PRKAG2: variants seen among roughly 807,000 people sequenced by gnomAD.
PRKAG2 encodes 5'-AMP-activated protein kinase subunit gamma-2.
PRKAG2 carries 26 observed loss-of-function variants against 69.6 expected under a neutral mutation model. The ratio of observed to expected loss-of-function variants is 0.37; its 90% confidence interval spans 0.27 to 0.52. The LOEUF (loss-of-function observed/expected upper bound fraction) is 0.52. PRKAG2 is among the 20% of genes least tolerant of loss of function. The pLI, the probability that PRKAG2 is intolerant of heterozygous loss-of-function variation, is 0.90. For synonymous variants in PRKAG2, 293 were observed against 285.0 expected, an observed-to-expected ratio of 1.03 and a Z score of -0.28; for missense variants, 557 against 740.0, an observed-to-expected ratio of 0.75 and a Z score of 2.87.
intron 1 of PRKAG2, among the ~76,000 whole-genome samples, chr7:151,872,894 G>T (rs1461138542): frequency 1.3e-5 from 2 of 152,218 alleles, no homozygotes; most frequent in Non-Finnish European, 2.9e-5. Context: ...TTCAGGAGGG[G>T]GTCCTCACGC....
At chr7:151,721,208 G>A (rs1797036856) in intron 3 of PRKAG2, among the ~76,000 whole-genome samples, 1 of 151,978 alleles carries the variant, frequency 6.6e-6, no homozygotes, top group Non-Finnish European at 1.5e-5. Flanking sequence ...GCTTTTCTGG[G>A]GTCCCATCCC....
chr7:151,706,984 C>A (rs1838739244), intron 3 of PRKAG2, among the ~76,000 whole-genome samples: 1 of 152,210 alleles, frequency 6.6e-6, no homozygotes, highest in Non-Finnish European at 1.5e-5. Flanking sequence ...ATGTTCGGAC[C>A]TGCCTGCAGT....
At chr7:151,596,353 G>A (rs6956446) in intron 5 of PRKAG2, among the ~76,000 whole-genome samples, 5,394 of 152,146 alleles carry the variant, frequency 0.035, 318 homozygotes, top group African/African-American at 0.12. Flanking sequence ...AATAATAAAA[G>A]AATCCCATTT....
At chr7:151,683,017 C>T (rs921188902) in intron 3 of PRKAG2, among the ~76,000 whole-genome samples, 84 of 152,362 alleles carry the variant, frequency 5.5e-4, no homozygotes, top group African/African-American at 2.0e-3. Flanking sequence ...GAAGACATCT[C>T]CTCCTTTTTC....
At chr7:151,702,123 G>A (rs574195547) in intron 3 of PRKAG2, among the ~76,000 whole-genome samples, 1 of 152,368 alleles carries the variant, frequency 6.6e-6, no homozygotes, top group South Asian at 2.1e-4. Flanking sequence ...TACCAAGATG[G>A]ACAGCATGGA....
rs1586654117 is a variant in PRKAG2, at chr7:151,814,369, C to T, written c.115-27828G>A. On this transcript the variant is annotated intron_variant, in intron 1 of 15. Coordinates refer to ENST00000287878, the MANE Select transcript of PRKAG2 (RefSeq NM_016203.4). The surrounding 1 kb of genome is among the most constrained non-coding windows in gnomAD (Gnocchi z 4.8). ...GGGGAAAACCGCACACCCAGGGACG[C>T]ACAATCACTATGCATTTAGAAAGCC... 1.7e-6 allele frequency: 2 copies of T among 1,186,990 alleles called. No individual in the cohort carries two copies. Among genetic ancestry groups the T allele is most frequent in the East Asian group, 6.7e-5 (2 of 29,730 alleles). 73.5% of individuals were successfully genotyped at this position (1,186,990 alleles called of 1,614,324 possible). A position where few individuals can be genotyped will look rare whatever the true frequency, so the allele number is the denominator to read the frequency against.
intron 6 of PRKAG2, 106 bp from the exon 7 acceptor site, chr7:151,576,558 T>C (rs1346463303): frequency 1.0e-6 from 1 of 989,546 alleles, no homozygotes; most frequent in African/African-American, 1.6e-5. Context: ...TGGAGTGCAG[T>C]GGCACCATCT....
At chr7:151,574,694 C>T (rs916739535) in intron 8 of PRKAG2, among the ~76,000 whole-genome samples, 197 bp downstream of exon 8, 2 of 152,176 alleles carry the variant, frequency 1.3e-5, no homozygotes, top group African/African-American at 4.8e-5. Flanking sequence ...GAGTTTCATA[C>T]ATATAACTTA....
At chr7:151,775,396 A>G (rs1385960216) in intron 3 of PRKAG2, among the ~76,000 whole-genome samples, 1 of 152,246 alleles carries the variant, frequency 6.6e-6, no homozygotes, top group Non-Finnish European at 1.5e-5. Flanking sequence ...AGATCCACGA[A>G]TTCTTGCTGC....
At chr7:151,620,077 C>T (rs1821120019) in intron 5 of PRKAG2, among the ~76,000 whole-genome samples, 1 of 151,784 alleles carries the variant, frequency 6.6e-6, no homozygotes, top group Non-Finnish European at 1.5e-5. Context: ...AAAACCTAAA[C>T]ATTTCCAGTT....
At chr7:151,707,304 C>T (rs1441694042) in intron 3 of PRKAG2, among the ~76,000 whole-genome samples, 3 of 152,196 alleles carry the variant, frequency 2.0e-5, no homozygotes, top group African/African-American at 4.8e-5. Context: ...CTCAATAAGG[C>T]AAGTCCCTGA....
chr7:151,772,984 TGAAAGAAAGAAA>T (rs1257330966), intron 3 of PRKAG2, among the ~76,000 whole-genome samples: 4 of 71,768 alleles, frequency 5.6e-5, no homozygotes, highest in Non-Finnish European at 7.7e-5. Flanking sequence ...TCTAAATGAA[TGAAAGAAAGAAA>T]GAAAGAAAGA....
intron 3 of PRKAG2, among the ~76,000 whole-genome samples, chr7:151,763,869 C>T (rs772212973): frequency 2.0e-5 from 3 of 152,372 alleles, no homozygotes; most frequent in Non-Finnish European, 2.9e-5. Flanking sequence ...GCTGACAGTG[C>T]CCTGAGCCCA....
intron 1 of PRKAG2, among the ~76,000 whole-genome samples, chr7:151,801,202 G>T (rs762441128): frequency 6.6e-6 from 1 of 152,178 alleles, no homozygotes; most frequent in South Asian, 2.1e-4. Flanking sequence ...ACGGCTCCAG[G>T]TCCTTCTAGA....
Position 151,787,953 on chromosome 7 carries a change from G to C in PRKAG2, c.115-1412C>G, listed in dbSNP as rs573028395. The stretch of plus-strand genomic sequence containing the variant: ...GAAAAACCAACCCTGCTGATATTTT[G>C]ATCTTAGACTTCTAGCCTCCAGAAT... On this transcript the variant is annotated intron_variant, in intron 1 of 15. Coordinates refer to ENST00000287878, the MANE Select transcript of PRKAG2 (RefSeq NM_016203.4). 3.9e-5 allele frequency among the ~76,000 whole-genome samples: 6 copies of C among 152,272 alleles called. No homozygotes were observed. The South Asian group carries it at 1.2e-3, about 32-fold the overall frequency.
At chr7:151,648,541 G>A (rs1488896432) in intron 4 of PRKAG2, among the ~76,000 whole-genome samples, 3 of 152,078 alleles carry the variant, frequency 2.0e-5, no homozygotes, top group Non-Finnish European at 4.4e-5. Flanking sequence ...AAGAGACATC[G>A]ATTTAACAAG....
At chr7:151,572,571 G>A in intron 9 of PRKAG2, 93 bp downstream of exon 9, 1 of 900,446 alleles carries the variant, frequency 1.1e-6, no homozygotes, top group Non-Finnish European at 1.8e-6. Flanking sequence ...TTATGGAGCA[G>A]AGAGAAAAGG....
chr7:151,600,539 A>C lies in PRKAG2; in HGVS notation c.755-5085T>G, dbSNP rs79153965. On this transcript the variant is annotated intron_variant, in intron 5 of 15. Transcript: ENST00000287878. ...ACAATTTATAATGCAGAGTTTTGTC[A>C]CTGCAACTGCCTCCTGGATATTTCT... Among the ~76,000 whole-genome samples the C allele has an allele frequency of 9.6e-3, 1,457 of 152,324 alleles. 33 individuals are homozygous for C. Among genetic ancestry groups the C allele is most frequent in the African/African-American group, 0.032 (1,326 of 41,574 alleles).
intron 1 of PRKAG2, among the ~76,000 whole-genome samples, chr7:151,796,856 G>C (rs2077566718): frequency 6.6e-6 from 1 of 152,170 alleles, no homozygotes; most frequent in Non-Finnish European, 1.5e-5. Flanking sequence ...CTGTACGGAG[G>C]GAACAGCCCT....
Sources: allele counts gnomAD v4.1 joint callset (sites outside exome capture counted in the v4.1 genomes callset), GRCh38; gene constraint gnomAD v4.1.1; non-coding constraint Gnocchi (gnomAD v3.1); transcripts MANE v1.5; gene names NCBI Gene and HGNC (gene_info 2026-07-23, HGNC 2026-07-21).